The following MMP26 variants were observed in gnomAD, a reference collection of about 807,000 sequenced individuals.
MMP26 encodes the protein matrix metalloproteinase-26.
MMP26 carries 33 observed loss-of-function variants against 31.0 expected under a neutral mutation model. That is an observed-to-expected ratio of 1.06 (90% CI 0.81 to 1.42). The LOEUF is 1.42. MMP26 is among the 40% of genes most tolerant of loss of function. The pLI, the probability that MMP26 is intolerant of heterozygous loss-of-function variation, is 0.00. For missense variants in MMP26, 347 were observed against 316.1 expected (o/e 1.10, Z -0.74); for synonymous variants, 122 against 114.9 (o/e 1.06, Z -0.40).
In MMP26 at chr11:4,754,096, A is replaced by ATTT. The variant is rs371054284; in HGVS notation, c.-216-13159_-216-13157dup. On this transcript the variant is annotated intron_variant, in intron 1 of 7. Transcript: ENST00000380390. Reference sequence around the variant, plus strand: ...GTCTTATGACAAACCTAAAAGAGAGATTTTTTTTTTTTTTTTTACAGATGC... The same window carrying ATTT: ...GTCTTATGACAAACCTAAAAGAGAGATTTTTTTTTTTTTTTTTTTTACAGATGC... Among the ~76,000 whole-genome samples the ATTT allele has an allele frequency of 2.6e-3, 374 of 141,796 alleles. 2 individuals carry two copies. The highest frequency in any genetic ancestry group is 5.3e-3 in the African/African-American group (205 of 38,816). 93.0% of individuals were successfully genotyped at this position (141,796 alleles called of 152,430 possible). A position where few individuals can be genotyped will look rare whatever the true frequency, so the allele number is the denominator to read the frequency against.
At chr11:4,934,392 A>G (rs1851401307) in intron 2 of MMP26, among the ~76,000 whole-genome samples, 1 of 23,218 alleles carries the variant, frequency 4.3e-5, no homozygotes, top group Non-Finnish European at 7.4e-5. Context: ...GTGTCTGTTC[A>G]TGTCCTTCGC....
At chr11:4,757,276 TG>T (rs149390419) in intron 1 of MMP26, among the ~76,000 whole-genome samples, 5,872 of 151,834 alleles carry the variant, frequency 0.039, 386 homozygotes, top group African/African-American at 0.14. Flanking sequence ...AATATCACTA[TG>T]AAAAAAAATA....
At chr11:4,709,686 G>T in intron 1 of MMP26, 1 of 458,364 alleles carries the variant, frequency 2.2e-6, no homozygotes, top group Non-Finnish European at 4.4e-6. Flanking sequence ...CTATGTCATT[G>T]CTATCTCTGG....
At chr11:4,911,851 T>C (rs1184630091) in intron 2 of MMP26, among the ~76,000 whole-genome samples, 1 of 152,204 alleles carries the variant, frequency 6.6e-6, no homozygotes, top group Admixed American at 6.5e-5. Flanking sequence ...AAAATGTAAG[T>C]CAGGAGAACA....
chr11:4,912,266 A>AC (rs1360269459), intron 2 of MMP26, among the ~76,000 whole-genome samples: 3 of 97,776 alleles, frequency 3.1e-5, no homozygotes, highest in Non-Finnish European at 5.2e-5. Context: ...TCAGATAAAT[A>AC]AAATAATTTG....
intron 2 of MMP26, chr11:4,769,506 G>A (rs1215977283): frequency 6.2e-7 from 1 of 1,613,886 alleles, no homozygotes; most frequent in East Asian, 2.2e-5. Context: ...GAATTAGTGA[G>A]AATGGTAGTG....
chr11:4,840,035 G>T (rs1468895477), intron 2 of MMP26, among the ~76,000 whole-genome samples: 1 of 152,076 alleles, frequency 6.6e-6, no homozygotes, highest in Admixed American at 6.5e-5. Context: ...GTGGTTTTCT[G>T]GCAGTACTCC....
At position 4,907,815 on chromosome 11, in the gene MMP26, C is replaced by G. The variant is rs377602088; in HGVS notation, c.-144-80253C>G. On this transcript the variant is annotated intron_variant, in intron 2 of 7. Coordinates refer to ENST00000380390, the MANE Select transcript of MMP26 (RefSeq NM_021801.5). ...GTTGCTAAAATGGGACTTATTTTAG[C>G]CATTAGGAGCATTCTCTTAGTGATT... The G allele has an allele frequency of 3.3e-5, 54 of 1,613,734 alleles. No individual in the cohort carries two copies. The African/African-American group carries it at 5.3e-4, about 16-fold the overall frequency.
rs1413679182 is a variant in MMP26 at position 4,872,787 on chromosome 11, A to G, written c.-145+105446A>G. On this transcript the variant is annotated intron_variant, in intron 2 of 7. Coordinates refer to ENST00000380390, the MANE Select transcript of MMP26 (RefSeq NM_021801.5). ...ACTCCTTCTCCACCTTGACCCCCAC[A>G]TATACTTCTGAAGCTACAGAAGCTC... is the stretch of plus-strand genomic sequence containing the variant. Among the ~76,000 whole-genome samples, 3 of 151,990 alleles carry G rather than the reference A, an allele frequency of 2.0e-5. No homozygotes were observed. In the South Asian group the frequency reaches 6.2e-4, roughly 32 times the overall value.
chr11:4,881,989 C>A (rs777346284), intron 2 of MMP26: 14 of 1,613,892 alleles, frequency 8.7e-6, no homozygotes, highest in Non-Finnish European at 1.2e-5. Context: ...TCTGGATCTC[C>A]ATTCCAGTCT....
chr11:4,935,135 G>A lies in MMP26; in HGVS notation c.-144-52933G>A, dbSNP rs188342474. Among the ~76,000 whole-genome samples, 1,175 of 151,758 alleles carry A rather than the reference G, an allele frequency of 7.7e-3. 34 individuals are homozygous for A. Among genetic ancestry groups the A allele is most frequent in the Non-Finnish European group, 0.013 (899 of 67,838 alleles). The stretch of plus-strand genomic sequence containing the variant: ...AAAAAAGTCATTGGTAGCTTGATGG[G>A]GATGGCATTGAATCTGTAAACTACC... On this transcript the variant is annotated intron_variant, in intron 2 of 7. Transcript: ENST00000380390.
intron 2 of MMP26, among the ~76,000 whole-genome samples, chr11:4,862,520 TAA>T (rs1485901061): frequency 6.6e-6 from 1 of 152,136 alleles, no homozygotes; most frequent in African/African-American, 2.4e-5. Flanking sequence ...TTTATTTTTC[TAA>T]GAGGCCAGAG....
chr11:4,856,299 C>G (rs181265922), intron 2 of MMP26, among the ~76,000 whole-genome samples: 316 of 152,162 alleles, frequency 2.1e-3, no homozygotes, highest in African/African-American at 7.2e-3. Context: ...CAGTCAAGAC[C>G]CATCAGTGTG....
At position 4,925,430 on chromosome 11, in the gene MMP26, A is replaced by T. The variant is rs539911465; in HGVS notation, c.-144-62638A>T. Among the ~76,000 whole-genome samples, 9 of 152,326 alleles carry T rather than the reference A, an allele frequency of 5.9e-5. No homozygotes were observed. In the South Asian group the frequency reaches 1.9e-3, roughly 32 times the overall value. ...AATACCATTCAATAAGTCAAGATGG[A>T]TGGCAACAGAAGACACATGTTTTAG... On this transcript the variant is annotated intron_variant, in intron 2 of 7. Transcript: ENST00000380390.
At chr11:4,920,905 A>C (rs766848067) in intron 2 of MMP26, among the ~76,000 whole-genome samples, 1 of 152,214 alleles carries the variant, frequency 6.6e-6, no homozygotes, top group Non-Finnish European at 1.5e-5. Context: ...AAATAAATCC[A>C]GTCATTACTG....
At chr11:4,991,598 A>G in intron 6 of MMP26, 102 bp downstream of exon 6, 1 of 1,432,950 alleles carries the variant, frequency 7.0e-7, no homozygotes, top group Non-Finnish European at 9.4e-7. Context: ...GGTGAGGTGG[A>G]AGATTTGGCT....
At chr11:4,815,754 C>T (rs1849412161) in intron 2 of MMP26, among the ~76,000 whole-genome samples, 1 of 151,992 alleles carries the variant, frequency 6.6e-6, no homozygotes, top group Non-Finnish European at 1.5e-5. Flanking sequence ...AAAATAATCC[C>T]AGGAATACAA....
At chr11:4,860,454 G>A (rs1278031573) in intron 2 of MMP26, 2 of 470,586 alleles carry the variant, frequency 4.3e-6, no homozygotes, top group East Asian at 7.0e-5. Context: ...GTGTGAGTGT[G>A]TAGAGAAATC....
intron 2 of MMP26, chr11:4,907,543 C>T: frequency 6.2e-7 from 1 of 1,614,070 alleles, no homozygotes; most frequent in Non-Finnish European, 8.5e-7. Context: ...TTCATGAGCC[C>T]ATGTATTATT....
Sources: gnomAD v4.1 joint callset for allele counts (sites outside exome capture counted in the v4.1 genomes callset) on GRCh38, gnomAD v4.1.1 for gene constraint, MANE v1.5 for transcripts, NCBI Gene and HGNC (gene_info 2026-07-23, HGNC 2026-07-21) for gene names.